Variants in RBPMS observed in about 807,000 individuals in gnomAD.
RBPMS encodes the protein RNA-binding protein with multiple splicing.
RBPMS carries 7 observed loss-of-function variants against 26.8 expected under a neutral mutation model. The ratio of observed to expected loss-of-function variants is 0.26; its 90% CI spans 0.15 to 0.49. The LOEUF (loss-of-function observed/expected upper bound fraction) is 0.49. Ranked by LOEUF, RBPMS falls within the 20% of genes least tolerant of loss-of-function variation. The pLI, the probability that RBPMS is intolerant of heterozygous loss-of-function variation, is 0.98. For synonymous variants in RBPMS, 96 were observed against 93.3 expected (o/e 1.03, Z -0.17); for missense variants, 186 against 250.0 (o/e 0.74, Z 1.73).
chr8:30,543,364 A>G lies in RBPMS; in HGVS notation c.398-1130A>G, dbSNP rs192831292. On this transcript the variant is annotated intron_variant, in intron 5 of 8. Coordinates refer to ENST00000397323, the MANE Select transcript of RBPMS (RefSeq NM_001008710.3). ...TATTGAAGAGTTTCGGGGGATGGGAAGGATGCAGAGACACTGGGCCTGGAA... is the reference window on the plus strand; with the variant it reads ...TATTGAAGAGTTTCGGGGGATGGGAGGGATGCAGAGACACTGGGCCTGGAA... Among the ~76,000 whole-genome samples the G allele has an allele frequency of 1.2e-4, 18 of 152,300 alleles. No homozygotes were observed. The East Asian group carries it at 2.1e-3, about 18-fold the overall frequency.
At chr8:30,474,240 T>C (rs1817453685) in intron 1 of RBPMS, among the ~76,000 whole-genome samples, 1 of 152,162 alleles carries the variant, frequency 6.6e-6, no homozygotes, top group South Asian at 2.1e-4. Context: ...TTTATTAAAG[T>C]TATTGTAATT....
chr8:30,445,369 T>G (rs1219132254), intron 1 of RBPMS: 1 of 152,192 alleles, frequency 6.6e-6, no homozygotes, highest in African/African-American at 2.4e-5. Flanking sequence ...GCTATCCTTG[T>G]GTCTGTAAGA....
chr8:30,531,190 G>C lies in RBPMS; in HGVS notation c.398-13304G>C, dbSNP rs370655619. On this transcript the variant is annotated intron_variant, in intron 5 of 8. Transcript: ENST00000397323. ...CTTCTTAATACTTAACCAGCAGTCG[G>C]TTCTAGATTTGTAGGGGACCTTGCC... is the stretch of plus-strand genomic sequence containing the variant. 5.3e-5 allele frequency among the ~76,000 whole-genome samples: 8 copies of C among 152,166 alleles called. No homozygotes were observed. In the South Asian group the frequency reaches 1.7e-3, roughly 32 times the overall value.
intron 1 of RBPMS, among the ~76,000 whole-genome samples, chr8:30,454,816 TTTTG>T (rs1451027713): frequency 1.3e-5 from 2 of 152,108 alleles, no homozygotes; most frequent in South Asian, 2.1e-4. Flanking sequence ...TTGGGTTTCT[TTTTG>T]TTTGTTTGGT....
intron 8 of RBPMS, among the ~76,000 whole-genome samples, chr8:30,569,854 T>G (rs1170258611): frequency 6.6e-6 from 1 of 152,194 alleles, no homozygotes; most frequent in East Asian, 1.9e-4. Context: ...GCGGATGTGC[T>G]AGAACTAATG....
At chr8:30,473,073 C>G (rs1330966409) in intron 1 of RBPMS, among the ~76,000 whole-genome samples, 2 of 152,136 alleles carry the variant, frequency 1.3e-5, no homozygotes, top group African/African-American at 2.4e-5. Context: ...TAGAGAAAAA[C>G]AAATAGAAAA....
intron 1 of RBPMS, among the ~76,000 whole-genome samples, chr8:30,467,985 CT>C (rs34113295): frequency 0.25 from 36,971 of 149,410 alleles, 4,846 homozygotes; most frequent in East Asian, 0.43. Flanking sequence ...CCTTTGATAC[CT>C]TTTTTTTTTC....
chr8:30,566,909 T>C lies in RBPMS; in HGVS notation c.*111+549T>C, dbSNP rs530625666. 6.6e-5 allele frequency among the ~76,000 whole-genome samples: 10 copies of C among 152,250 alleles called. No homozygotes were observed. The East Asian group carries it at 1.5e-3, about 23-fold the overall frequency. The stretch of plus-strand genomic sequence containing the variant: ...AGACTGTGGGCCTCTTAGTAGTTCA[T>C]GGTTTTAGCTTAGTAGTTCATGGTT... On this transcript the variant is annotated intron_variant, in intron 8 of 8. Transcript: ENST00000397323.
At position 30,511,015 on chromosome 8, in the gene RBPMS, A is replaced by G. The variant is rs559055484; in HGVS notation, c.397+6579A>G. On this transcript the variant is annotated intron_variant, in intron 5 of 8. Coordinates refer to ENST00000397323, the MANE Select transcript of RBPMS (RefSeq NM_001008710.3). ...GGATTTCAGGGCTGGTCAACTTCTT[A>G]TTGAAAAAAATCAAGGCCAGGCGTG... is the stretch of plus-strand genomic sequence containing the variant. Among the ~76,000 whole-genome samples, 3 of 152,056 alleles carry G rather than the reference A, an allele frequency of 2.0e-5. No individual in the cohort carries two copies. The East Asian group carries it at 5.8e-4, about 29-fold the overall frequency.
intron 1 of RBPMS, among the ~76,000 whole-genome samples, chr8:30,445,696 G>A (rs952915592): frequency 1.8e-5 from 2 of 114,008 alleles, no homozygotes; most frequent in African/African-American, 3.5e-5. Context: ...GAAACAAGGT[G>A]TTGCACTGTC....
At chr8:30,541,525 G>A (rs1345177476) in intron 5 of RBPMS, among the ~76,000 whole-genome samples, 3 of 152,274 alleles carry the variant, frequency 2.0e-5, no homozygotes, top group Admixed American at 1.3e-4. Flanking sequence ...TCTCAGGAGG[G>A]ATGGATTAGG....
At chr8:30,517,732 A>G (rs1419853876) in intron 5 of RBPMS, among the ~76,000 whole-genome samples, 1 of 152,250 alleles carries the variant, frequency 6.6e-6, no homozygotes, top group African/African-American at 2.4e-5. Context: ...GCAAGTGTTC[A>G]GTTGAAGTTA....
In RBPMS at chr8:30,521,652, G is replaced by A. The variant is rs374736174; in HGVS notation, c.397+17216G>A. The stretch of plus-strand genomic sequence containing the variant: ...TATATGAGTATCATGTGGGCATAAT[G>A]TCCTCCATGTTCATCCATGTTGTTG... On this transcript the variant is annotated intron_variant, in intron 5 of 8. Transcript: ENST00000397323. Among the ~76,000 whole-genome samples, 6 of 152,106 alleles carry A rather than the reference G, an allele frequency of 3.9e-5. No homozygotes were observed. In the East Asian group the frequency reaches 5.8e-4, roughly 15 times the overall value.
At chr8:30,415,069 C>T (rs1809906616) in intron 1 of RBPMS, among the ~76,000 whole-genome samples, 1 of 152,226 alleles carries the variant, frequency 6.6e-6, no homozygotes. Flanking sequence ...AGTGTCTACA[C>T]CACTTCTAGC....
chr8:30,536,487 G>C (rs1380274610), intron 5 of RBPMS, among the ~76,000 whole-genome samples: 1 of 152,116 alleles, frequency 6.6e-6, no homozygotes, highest in Non-Finnish European at 1.5e-5. Flanking sequence ...CAATTTCATT[G>C]AAAAGACACC....
At chr8:30,531,538 G>A (rs908145566) in intron 5 of RBPMS, among the ~76,000 whole-genome samples, 2 of 152,186 alleles carry the variant, frequency 1.3e-5, no homozygotes, top group African/African-American at 4.8e-5. Flanking sequence ...AACTCTTGCA[G>A]TTTTCTTTTG....
At chr8:30,486,727 G>A (rs1435469574) in intron 4 of RBPMS, among the ~76,000 whole-genome samples, 1 of 152,202 alleles carries the variant, frequency 6.6e-6, no homozygotes, top group Non-Finnish European at 1.5e-5. Flanking sequence ...GAGAATTAGG[G>A]AGGAAGAACC....
intron 1 of RBPMS, among the ~76,000 whole-genome samples, chr8:30,451,252 A>G (rs532276888): frequency 3.3e-5 from 5 of 152,086 alleles, no homozygotes; most frequent in African/African-American, 7.2e-5. Flanking sequence ...TCTTTCTCCT[A>G]TCTCTCCAAG....
intron 5 of RBPMS, among the ~76,000 whole-genome samples, chr8:30,533,791 T>C (rs1281888106): frequency 1.3e-5 from 2 of 152,136 alleles, no homozygotes; most frequent in South Asian, 4.1e-4. Context: ...CAAATCAGGT[T>C]TTTTCCCCCC....
Sources: gnomAD v4.1 joint callset for allele counts (sites outside exome capture counted in the v4.1 genomes callset) on GRCh38, gnomAD v4.1.1 for gene constraint, MANE v1.5 for transcripts, NCBI Gene and HGNC (gene_info 2026-07-23, HGNC 2026-07-21) for gene names.